Variants in ADARB2 observed in about 807,000 individuals in gnomAD.
ADARB2 encodes inactive double-stranded RNA-specific editase B2.
ADARB2 carries 25 observed loss-of-function variants against 62.2 expected under a neutral mutation model. The observed-to-expected ratio is 0.40, with a 90% confidence interval of 0.29 to 0.56. ADARB2 has a LOEUF of 0.56. Ranked by LOEUF, ADARB2 falls within the 20% of genes least tolerant of loss-of-function variation. The probability of loss-of-function intolerance (pLI) is 0.43; values close to 1 mark genes in which losing one functional copy is unlikely to be tolerated. For synonymous variants in ADARB2, 572 were observed against 500.8 expected, an observed-to-expected ratio of 1.14 and a Z score of -1.90; for missense variants, 1,071 against 1,077.4, an observed-to-expected ratio of 0.99 and a Z score of 0.08.
At chr10:1,472,521 C>T (rs992282171) in intron 1 of ADARB2, among the ~76,000 whole-genome samples, 3 of 152,180 alleles carry the variant, frequency 2.0e-5, no homozygotes, top group Non-Finnish European at 4.4e-5. Context: ...GAGTCTTCCT[C>T]ACCATGCTGG....
Position 1,382,709 on chromosome 10 carries a change from T to TC in ADARB2, c.101-3550_101-3549insG, listed in dbSNP as rs1832493663. ...CTGATGAAAAAAGGATGCCATACTT[T>TC]TTTTTTTTTTTTGCCTCAGTTCTGG... On this transcript the variant is annotated intron_variant, in intron 1 of 9. Coordinates refer to ENST00000381312, the MANE Select transcript of ADARB2 (RefSeq NM_018702.4). 2.7e-5 allele frequency among the ~76,000 whole-genome samples: 4 copies of TC among 150,880 alleles called. No homozygotes were observed. In the East Asian group the frequency reaches 7.7e-4, roughly 29 times the overall value.
chr10:1,523,943 GCATC>G (rs565194166), intron 1 of ADARB2, among the ~76,000 whole-genome samples: 566 of 152,102 alleles, frequency 3.7e-3, no homozygotes, highest in Non-Finnish European at 7.0e-3. Flanking sequence ...ATCCACCCAT[GCATC>G]CATCCATCCA....
chr10:1,686,681 T>C (rs1834600596), intron 1 of ADARB2, among the ~76,000 whole-genome samples: 1 of 152,034 alleles, frequency 6.6e-6, no homozygotes, highest in African/African-American at 2.4e-5. Context: ...ATTTTGCTAA[T>C]TAAGTTGTAG....
In ADARB2 at chr10:1,211,151, TATC is replaced by T. The variant is rs1377488824; in HGVS notation, c.1682+5797_1682+5799del. On this transcript the variant is annotated intron_variant, in intron 7 of 9. Transcript: ENST00000381312. ...TCGATCAGTCATCTAATCTATAATC[TATC>T]ATCTATCTAATCTATGATCTATCAT... Among the ~76,000 whole-genome samples, 6 of 147,240 alleles carry T rather than the reference TATC, an allele frequency of 4.1e-5. No individual in the cohort carries two copies. In the East Asian group the frequency reaches 1.1e-3, roughly 27 times the overall value.
chr10:1,371,734 T>C (rs1356421874), intron 2 of ADARB2, among the ~76,000 whole-genome samples: 1 of 136,272 alleles, frequency 7.3e-6, no homozygotes, highest in African/African-American at 2.8e-5. Flanking sequence ...CAAATTAAAA[T>C]CACACTGAGA....
chr10:1,326,815 TCCC>T, intron 3 of ADARB2, among the ~76,000 whole-genome samples: 1 of 112,854 alleles, frequency 8.9e-6, no homozygotes, highest in Non-Finnish European at 1.8e-5. Flanking sequence ...GCCCAGCGCC[TCCC>T]CACGGCCCAG....
intron 1 of ADARB2, among the ~76,000 whole-genome samples, chr10:1,504,534 CA>C (rs1453470130): frequency 5.9e-5 from 9 of 152,176 alleles, no homozygotes; most frequent in Non-Finnish European, 1.2e-4. Flanking sequence ...GCTGGCTGTG[CA>C]CTGCGTGGAG....
chr10:1,469,673 C>T lies in ADARB2; in HGVS notation c.101-90513G>A, dbSNP rs1216939584. Among the ~76,000 whole-genome samples, 3 of 152,134 alleles carry T rather than the reference C, an allele frequency of 2.0e-5. No homozygotes were observed. In the South Asian group the frequency reaches 6.2e-4, roughly 32 times the overall value. ...GGAGAGAACAAAAAAGAAAACAGTG[C>T]TTTATCCTCAAGGCACCTGTGGGCT... On this transcript the variant is annotated intron_variant, in intron 1 of 9. Coordinates refer to ENST00000381312, the MANE Select transcript of ADARB2 (RefSeq NM_018702.4).
At chr10:1,456,085 T>C (rs1385523600) in intron 1 of ADARB2, among the ~76,000 whole-genome samples, 2 of 152,144 alleles carry the variant, frequency 1.3e-5, no homozygotes, top group Non-Finnish European at 2.9e-5. Flanking sequence ...TAAGCTAAAC[T>C]CAATACATCA....
intron 4 of ADARB2, among the ~76,000 whole-genome samples, chr10:1,266,511 T>TGGGGGGGGG (rs782182369): frequency 3.9e-3 from 501 of 128,162 alleles, no homozygotes; most frequent in African/African-American, 6.4e-3. Context: ...TGGTGGGGGG[T>TGGGGGGGGG]GGGGGGGGGG....
At position 1,572,253 on chromosome 10, in the gene ADARB2, GTGCTGGT is replaced by G. The variant is rs1832952376; in HGVS notation, c.100+164791_100+164797del. On this transcript the variant is annotated intron_variant, in intron 1 of 9. Coordinates refer to ENST00000381312, the MANE Select transcript of ADARB2 (RefSeq NM_018702.4). Reference sequence around the variant, plus strand: ...TAGGCAGGTGAGTATGCAGGTGAGTGTGCTGGTGAGAAGGCAGGTGAGTGTGAAGATG... The same window carrying G: ...TAGGCAGGTGAGTATGCAGGTGAGTGGAGAAGGCAGGTGAGTGTGAAGATG... Among the ~76,000 whole-genome samples the G allele has an allele frequency of 3.3e-5, 5 of 151,930 alleles. No individual in the cohort carries two copies. In the South Asian group the frequency reaches 1.0e-3, roughly 32 times the overall value.
intron 1 of ADARB2, among the ~76,000 whole-genome samples, chr10:1,395,558 C>T (rs781622373): frequency 6.6e-5 from 10 of 152,232 alleles, no homozygotes; most frequent in Non-Finnish European, 1.5e-4. Context: ...CCCAGCGGGG[C>T]GTCTGCTCCC....
intron 1 of ADARB2, among the ~76,000 whole-genome samples, chr10:1,604,038 C>G (rs1833464870): frequency 6.6e-6 from 1 of 152,116 alleles, no homozygotes; most frequent in Non-Finnish European, 1.5e-5. Flanking sequence ...CTCCTGACCT[C>G]AAGTGATCCA....
chr10:1,210,340 T>A (rs1837134174), intron 7 of ADARB2, among the ~76,000 whole-genome samples: 1 of 152,224 alleles, frequency 6.6e-6, no homozygotes, highest in Non-Finnish European at 1.5e-5. Flanking sequence ...TCATGGCTGC[T>A]CAAACAGAAC....
intron 1 of ADARB2, among the ~76,000 whole-genome samples, chr10:1,690,881 C>T (rs1030154172): frequency 6.6e-6 from 1 of 152,156 alleles, no homozygotes; most frequent in Non-Finnish European, 1.5e-5. Context: ...CGGGGACCAC[C>T]GCGGGTCTCA....
At chr10:1,229,845 C>CCT (rs1456831698) in intron 6 of ADARB2, among the ~76,000 whole-genome samples, 1 of 120,120 alleles carries the variant, frequency 8.3e-6, no homozygotes, top group Non-Finnish European at 1.7e-5. Flanking sequence ...CATGTGCTTA[C>CCT]GTGTGTGTGT....
At chr10:1,553,221 G>A (rs1391872457) in intron 1 of ADARB2, among the ~76,000 whole-genome samples, 1 of 152,188 alleles carries the variant, frequency 6.6e-6, no homozygotes, top group Non-Finnish European at 1.5e-5. Context: ...CAATATATGC[G>A]GTGATTTCTG....
intron 1 of ADARB2, among the ~76,000 whole-genome samples, chr10:1,498,981 C>A (rs888135448): frequency 6.9e-6 from 1 of 144,174 alleles, no homozygotes; most frequent in African/African-American, 2.6e-5. Flanking sequence ...GTTCATTCAT[C>A]GCTCACTAAT....
intron 1 of ADARB2, among the ~76,000 whole-genome samples, chr10:1,675,631 G>C (rs965173667): frequency 6.6e-6 from 1 of 151,248 alleles, no homozygotes; most frequent in Non-Finnish European, 1.5e-5. Context: ...ATGTTCTGGA[G>C]GTTTGGGTTC....
Sources: allele counts gnomAD v4.1 joint callset (sites outside exome capture counted in the v4.1 genomes callset), GRCh38; gene constraint gnomAD v4.1.1; transcripts MANE v1.5; gene names NCBI Gene and HGNC (gene_info 2026-07-23, HGNC 2026-07-21).